Variants in ST18 observed in about 807,000 individuals in gnomAD.
ST18 encodes the protein ST18 C2H2C-type zinc finger transcription factor, also known as suppression of tumorigenicity 18 protein.
In ST18, 50 loss-of-function variants were observed where a neutral mutation model predicts 110.0. The observed-to-expected ratio is 0.45, with a 90% CI of 0.36 to 0.58. The LOEUF (loss-of-function observed/expected upper bound fraction) is 0.58, where lower values mean the gene tolerates loss of function less well. Among genes scored for constraint, ST18 ranks in the 20% least tolerant of loss-of-function variants. ST18 has a pLI of 0.00. For missense variants in ST18, 1,306 were observed against 1,280.1 expected, an observed-to-expected ratio of 1.02 and a Z score of -0.31; for synonymous variants, 461 against 452.4, an observed-to-expected ratio of 1.02 and a Z score of -0.24.
chr8:52,260,272 T>C (rs2094645616), intron 2 of ST18, among the ~76,000 whole-genome samples: 1 of 150,188 alleles, frequency 6.7e-6, no homozygotes, highest in African/African-American at 2.5e-5. Context: ...TATGGCTGCA[T>C]CTATATTTGT....
intron 3 of ST18, among the ~76,000 whole-genome samples, chr8:52,226,594 C>T (rs964744171): frequency 6.6e-6 from 1 of 152,184 alleles, no homozygotes; most frequent in African/African-American, 2.4e-5. Flanking sequence ...TTCTCTAAAG[C>T]CCCTTCCTGG....
chr8:52,132,307 G>A lies in ST18; in HGVS notation c.2445-128C>T, dbSNP rs1287728601. On this transcript the variant is annotated intron_variant, in intron 21 of 25. Transcript: ENST00000689386. ...CCACCATAACTAGCAAAACAGCATT[G>A]CATAAACAGGCTCAGAGCTACGCGA... 8.2e-6 allele frequency: 6 copies of A among 735,356 alleles called. No individual in the cohort carries two copies. In the African/African-American group the frequency reaches 8.8e-5, roughly 11 times the overall value. The allele number at this position is 735,356 out of a possible 1,614,324, so 45.6% of individuals were successfully genotyped here.
intron 2 of ST18, among the ~76,000 whole-genome samples, chr8:52,318,472 T>A (rs970253083): frequency 6.6e-6 from 1 of 152,196 alleles, no homozygotes; most frequent in Non-Finnish European, 1.5e-5. Context: ...GGTTCAACCA[T>A]TGCGGAAGAC....
At chr8:52,313,478 C>T in intron 2 of ST18, 1 of 164,884 alleles carries the variant, frequency 6.1e-6, no homozygotes, top group East Asian at 1.5e-4. Flanking sequence ...AAGCTTATGA[C>T]AGTATGTCCA....
At chr8:52,348,256 A>G (rs1487310289) in intron 2 of ST18, among the ~76,000 whole-genome samples, 1 of 152,230 alleles carries the variant, frequency 6.6e-6, no homozygotes, top group Non-Finnish European at 1.5e-5. Context: ...TACAGTTAAG[A>G]GCAAGGCAAG....
At chr8:52,297,168 T>C (rs887658042) in intron 2 of ST18, among the ~76,000 whole-genome samples, 15 of 152,210 alleles carry the variant, frequency 9.9e-5, no homozygotes, top group African/African-American at 3.6e-4. Context: ...GACAGTGCAG[T>C]GCAGCGCAGG....
intron 2 of ST18, among the ~76,000 whole-genome samples, chr8:52,369,516 C>A (rs982876470): frequency 6.6e-6 from 1 of 152,166 alleles, no homozygotes; most frequent in Non-Finnish European, 1.5e-5. Flanking sequence ...AACATACCAG[C>A]CTACTTATGC....
At chr8:52,371,476 A>G (rs1277218909) in intron 2 of ST18, among the ~76,000 whole-genome samples, 1 of 152,212 alleles carries the variant, frequency 6.6e-6, no homozygotes, top group Non-Finnish European at 1.5e-5. Context: ...AATCATGCAT[A>G]TTGTGTATGA....
At chr8:52,328,226 G>T (rs142667159) in intron 2 of ST18, among the ~76,000 whole-genome samples, 2 of 152,232 alleles carry the variant, frequency 1.3e-5, no homozygotes, top group East Asian at 3.9e-4. Context: ...TGCCTCCTAA[G>T]CTATTCAATC....
chr8:52,136,387 C>A lies in ST18; in HGVS notation c.2300+203G>T, dbSNP rs146184767. ...AAAATTATTATAAAATACAAAGCCC[C>A]GGAAGCAAGCAAATTAACTAAATTA... On this transcript the variant is annotated intron_variant, in intron 19 of 25. Coordinates refer to ENST00000689386, the MANE Select transcript of ST18 (RefSeq NM_001352837.2). 8.9e-4 allele frequency among the ~76,000 whole-genome samples: 135 copies of A among 152,200 alleles called. 1 individual carries two copies. The East Asian group carries it at 0.018, about 20-fold the overall frequency.
At chr8:52,362,910 T>C (rs1826295710) in intron 2 of ST18, among the ~76,000 whole-genome samples, 1 of 151,794 alleles carries the variant, frequency 6.6e-6, no homozygotes, top group Non-Finnish European at 1.5e-5. Flanking sequence ...ACTAGAGAGG[T>C]GTGTTAAAAA....
At chr8:52,165,480 A>G (rs2062668107) in intron 11 of ST18, among the ~76,000 whole-genome samples, 1 of 152,256 alleles carries the variant, frequency 6.6e-6, no homozygotes, top group Non-Finnish European at 1.5e-5. Flanking sequence ...TTCTGCTTAT[A>G]GTTAACGTAA....
chr8:52,175,306 C>T (rs1016197176), intron 9 of ST18, among the ~76,000 whole-genome samples: 1 of 152,090 alleles, frequency 6.6e-6, no homozygotes, highest in African/African-American at 2.4e-5. Flanking sequence ...ATAAGATGGG[C>T]TTAGTTTTTT....
chr8:52,401,026 T>A (rs1842678613), intron 2 of ST18, among the ~76,000 whole-genome samples: 2 of 152,208 alleles, frequency 1.3e-5, no homozygotes, highest in South Asian at 4.1e-4. Flanking sequence ...ATAAATTTTC[T>A]TAGCTTTTGC....
At chr8:52,382,779 T>C (rs376373967) in intron 2 of ST18, among the ~76,000 whole-genome samples, 9 of 150,932 alleles carry the variant, frequency 6.0e-5, no homozygotes, top group African/African-American at 2.0e-4. Context: ...GATAAAGATA[T>C]AGGGCAAGAA....
chr8:52,340,725 C>T (rs1383012171), intron 2 of ST18, among the ~76,000 whole-genome samples: 2 of 152,206 alleles, frequency 1.3e-5, no homozygotes, highest in Non-Finnish European at 2.9e-5. Context: ...TTAAGACACA[C>T]TCTAGTGCTG....
At chr8:52,359,352 A>G (rs1239546616) in intron 2 of ST18, among the ~76,000 whole-genome samples, 1 of 152,098 alleles carries the variant, frequency 6.6e-6, no homozygotes, top group Non-Finnish European at 1.5e-5. Context: ...GATTATGTGA[A>G]CTTTACTTCA....
chr8:52,360,502 A>G (rs1220754779), intron 2 of ST18, among the ~76,000 whole-genome samples: 4 of 152,004 alleles, frequency 2.6e-5, no homozygotes, highest in African/African-American at 9.7e-5. Flanking sequence ...TCAACAAATA[A>G]TGCAAAAAAA....
chr8:52,213,970 G>T (rs1208343441), intron 7 of ST18, among the ~76,000 whole-genome samples: 2 of 152,234 alleles, frequency 1.3e-5, no homozygotes, highest in South Asian at 2.1e-4. Flanking sequence ...ACTCATGATT[G>T]CATTTTGTAA....
Sources: gnomAD v4.1 joint callset for allele counts (sites outside exome capture counted in the v4.1 genomes callset) on GRCh38, gnomAD v4.1.1 for gene constraint, MANE v1.5 for transcripts, NCBI Gene and HGNC (gene_info 2026-07-23, HGNC 2026-07-21) for gene names.